The following SETDB1 variants were observed in gnomAD, a reference collection of about 807,000 sequenced individuals.
SETDB1 encodes SET domain bifurcated histone lysine methyltransferase 1.
A neutral mutation model predicts 137.4 loss-of-function variants in SETDB1; 31 were observed. The ratio of observed to expected loss-of-function variants is 0.23; its 90% CI spans 0.17 to 0.30. The LOEUF (loss-of-function observed/expected upper bound fraction) is 0.30, where lower values mean the gene tolerates loss of function less well. Among genes scored for constraint, SETDB1 ranks in the 10% least tolerant of loss-of-function variants. SETDB1 has a pLI of 1.00. For synonymous variants in SETDB1, 548 were observed against 579.9 expected (o/e 0.95, Z 0.79); for missense variants, 1,113 against 1,631.5 (o/e 0.68, Z 5.47).
At chr1:150,957,818 C>T (rs1031347543) in intron 14 of SETDB1, among the ~76,000 whole-genome samples, 2 of 152,116 alleles carry the variant, frequency 1.3e-5, no homozygotes, top group African/African-American at 4.8e-5. Flanking sequence ...ATCTTCTCAC[C>T]TCAGCATCCT....
intron 12 of SETDB1, 74 bp from the exon 13 acceptor site, chr1:150,950,384 A>AGTAG (rs1331225921): frequency 7.8e-7 from 1 of 1,278,806 alleles, no homozygotes; most frequent in Non-Finnish European, 1.1e-6. Flanking sequence ...GAAATGGCTT[A>AGTAG]GCTACCTGGA....
At position 150,963,640 on chromosome 1, in the gene SETDB1, A is replaced by C. The variant is rs1315762705; in HGVS notation, c.3571A>C (p.Ser1191Arg). Residue 1191 changes from serine (S) to arginine (R), a missense_variant, in exon 20 of 22, where the codon AGC becomes CGC. Coordinates refer to ENST00000692827, the MANE Select transcript of SETDB1 (RefSeq NM_001366418.1). Reference protein sequence around the residue: ...TNMASVDKGESAPVRKNTRQF... With the variant: ...TNMASVDKGERAPVRKNTRQF... ...CATGGCCTCTGTGGACAAGGGGGAG[A>C]GCGCACCTGTTCGTAAGAACACACG... 1.9e-6 allele frequency: 3 copies of C among 1,614,006 alleles called. No homozygotes were observed. Among genetic ancestry groups the C allele is most frequent in the Middle Eastern group, 3.3e-4 (2 of 6,080 alleles).
chr1:150,951,582 C>T (rs982577826), intron 14 of SETDB1, 101 bp downstream of exon 14: 3 of 622,654 alleles, frequency 4.8e-6, no homozygotes, highest in African/African-American at 3.7e-5. Context: ...AAATTGGAAC[C>T]AAAAATAGAA....
At chr1:150,940,303 CG>C (rs1231481411) in intron 4 of SETDB1, among the ~76,000 whole-genome samples, 7 of 151,996 alleles carry the variant, frequency 4.6e-5, no homozygotes, top group African/African-American at 1.7e-4. Context: ...CATTGGCTCA[CG>C]ACTGTAATCC....
intron 1 of SETDB1, 38 bp downstream of exon 1, chr1:150,926,555 G>A: frequency 2.7e-6 from 1 of 375,398 alleles, no homozygotes; most frequent in Non-Finnish European, 5.2e-6. Context: ...GTGACCAAAG[G>A]CTTATCTGGG....
At position 150,959,209 on chromosome 1, in the gene SETDB1, G is replaced by A. The variant is rs754052188; in HGVS notation, c.2365G>A (p.Asp789Asn). 3.1e-6 allele frequency: 5 copies of A among 1,590,450 alleles called. No individual in the cohort carries two copies. The highest frequency in any genetic ancestry group is 3.4e-6 in the Non-Finnish European group (4 of 1,172,476). The change falls in exon 15 of 22, where the codon GAC (aspartate) becomes AAC (asparagine). Residue 789 changes from aspartate to asparagine, a missense_variant. By Grantham distance (23) the Asp-to-Asn change is conservative. Around this residue, in one of 11 missense-constraint regions of SETDB1, gnomAD observed 81 missense variants for 123.4 expected, o/e 0.66. Coordinates refer to ENST00000692827, the MANE Select transcript of SETDB1 (RefSeq NM_001366418.1). ...VYECNKRCKC[D>N]PNMCTNRLVQ... ...TGAGTGTAACAAACGCTGCAAATGT[G>A]ACCCAAACATGTGCACAAACCGGTT...
chr1:150,930,339 G>A (rs1669685190), intron 3 of SETDB1: 1 of 438,064 alleles, frequency 2.3e-6, no homozygotes, highest in Non-Finnish European at 4.1e-6. Flanking sequence ...TCCTCATTCT[G>A]TGTAACCCCT....
intron 3 of SETDB1, among the ~76,000 whole-genome samples, chr1:150,939,616 C>T (rs1404577024): frequency 6.6e-6 from 1 of 151,918 alleles, no homozygotes; most frequent in East Asian, 1.9e-4. Flanking sequence ...TGAGCCACTG[C>T]GCCTGGCCTA....
In SETDB1 at chr1:150,963,289, A is replaced by G. The variant is rs1189072348; in HGVS notation, c.3460+150A>G. On this transcript the variant is annotated intron_variant, in intron 19 of 21. Coordinates refer to ENST00000692827, the MANE Select transcript of SETDB1 (RefSeq NM_001366418.1). ...GGAGGGCTTTCTGACTCCAAGCTAA[A>G]CTATTGTTTGACACATCCTCTCTCA... is the stretch of plus-strand genomic sequence containing the variant. 5.1e-5 allele frequency: 39 copies of G among 768,620 alleles called. 1 individual carries two copies. In the South Asian group the frequency reaches 6.7e-4, roughly 13 times the overall value. The allele number at this position is 768,620 out of a possible 1,614,324, so 47.6% of individuals were successfully genotyped here. A position where few individuals can be genotyped will look rare whatever the true frequency, so the allele number is the denominator to read the frequency against.
chr1:150,947,249 G>A (rs1368767906), intron 10 of SETDB1, among the ~76,000 whole-genome samples: 3 of 152,138 alleles, frequency 2.0e-5, no homozygotes, highest in Non-Finnish European at 4.4e-5. Context: ...CTTTAGGTTA[G>A]GGTGATAGTA....
chr1:150,964,144 C>G, intron 21 of SETDB1, 61 bp downstream of exon 21: 1 of 1,538,620 alleles, frequency 6.5e-7, no homozygotes, highest in Non-Finnish European at 9.0e-7. Flanking sequence ...TTCTAAGGGC[C>G]CCTCCTCCAT....
chr1:150,960,272 G>A (rs768976375), intron 15 of SETDB1, among the ~76,000 whole-genome samples: 5 of 151,696 alleles, frequency 3.3e-5, no homozygotes, highest in South Asian at 2.1e-4. Flanking sequence ...TCAGGAGTTC[G>A]AGACCAACCT....
At position 150,958,136 on chromosome 1, in the gene SETDB1, T is replaced by C. The variant is rs1670704287; in HGVS notation, c.2334-1042T>C. 2.0e-5 allele frequency among the ~76,000 whole-genome samples: 3 copies of C among 150,162 alleles called. No homozygotes were observed. The South Asian group carries it at 6.3e-4, about 32-fold the overall frequency. ...GGGAGGTGGAGGTTGTGAGCTGAGA[T>C]TGCGCCATTGCACTCCAGCCTGGGC... is the stretch of plus-strand genomic sequence containing the variant. On this transcript the variant is annotated intron_variant, in intron 14 of 21. Transcript: ENST00000692827.
chr1:150,959,026 A>G (rs1670739390), intron 14 of SETDB1, 152 bp from the exon 15 acceptor site: 2 of 553,420 alleles, frequency 3.6e-6, no homozygotes. Context: ...AGATGGTTCA[A>G]TAGATCCACT....
At chr1:150,953,704 C>G (rs1670561293) in intron 14 of SETDB1, among the ~76,000 whole-genome samples, 1 of 151,950 alleles carries the variant, frequency 6.6e-6, no homozygotes, top group Non-Finnish European at 1.5e-5. Context: ...TTGTGCACGC[C>G]TGTAATCTCA....
At position 150,942,879 on chromosome 1, in the gene SETDB1, T is replaced by C; in HGVS notation, c.701T>C (p.Phe234Ser). 1 of 1,614,178 alleles carries C rather than the reference T, an allele frequency of 6.2e-7. No homozygotes were observed. The highest frequency in any genetic ancestry group is 8.5e-7 in the Non-Finnish European group (1 of 1,180,010). ...CCAGGGAAGAAATACAAGGTGAAATTTGACAACAAAGGAAAGAGTCTACTG... is the reference window on the plus strand; with the variant it reads ...CCAGGGAAGAAATACAAGGTGAAATCTGACAACAAAGGAAAGAGTCTACTG... ...VGPGKKYKVK[F>S]DNKGKSLLSG... The change falls in exon 7 of 22, where the codon TTT becomes TCT. Residue 234 changes from phenylalanine (F) to serine (S), a missense_variant. Physicochemically the swap from Phe to Ser is radical, Grantham distance 155. Transcript: ENST00000692827.
At position 150,949,241 on chromosome 1, in the gene SETDB1, C is replaced by G; in HGVS notation, c.1387C>G (p.Pro463Ala). 3.1e-6 allele frequency: 5 copies of G among 1,614,140 alleles called. No individual in the cohort carries two copies. The highest frequency in any genetic ancestry group is 4.2e-6 in the Non-Finnish European group (5 of 1,180,020). ...AGCTCCACCTGCCCCACCTTTCCCA[C>G]CTGCTCCACCTCTATCCCCCCAAGC... ...PTAPPAPPFP[P>A]APPLSPQAGD... Residue 463 changes from proline to alanine, a missense_variant, in exon 11 of 22, where the codon CCT (proline) becomes GCT (alanine). Physicochemically the swap from Pro to Ala is conservative, Grantham distance 27. This residue lies in a region of SETDB1 where 192 missense variants were observed against 198.1 expected (regional missense o/e 0.97). Coordinates refer to ENST00000692827, the MANE Select transcript of SETDB1 (RefSeq NM_001366418.1).
rs2102748843 is a variant in SETDB1 at position 150,960,755 on chromosome 1, C to A, written c.2696C>A (p.Pro899His). ...GATGGCAACAGCGGTACAGAGGACC[C>A]TGAAGAGTCCAATGATGATAGCTCA... ...QEDGNSGTED[P>H]EESNDDSSDD... is the part of the protein sequence containing the mutation. Residue 899 changes from proline to histidine, a missense_variant, in exon 16 of 22, where the codon CCT (proline) becomes CAT (histidine). Pro to His is a moderately conservative substitution (Grantham distance 77). This residue lies in a region of SETDB1 where 373 missense variants were observed against 412.7 expected (regional missense o/e 0.90). Transcript: ENST00000692827. The A allele has an allele frequency of 2.5e-6, 4 of 1,611,364 alleles. No homozygotes were observed. The East Asian group carries it at 8.9e-5, about 36-fold the overall frequency.
At chr1:150,931,565 A>G (rs1180047403) in intron 3 of SETDB1, among the ~76,000 whole-genome samples, 1 of 150,780 alleles carries the variant, frequency 6.6e-6, no homozygotes, top group Non-Finnish European at 1.5e-5. Flanking sequence ...TACATATGTA[A>G]CTAACCTGCA....
Sources: gnomAD v4.1 joint callset for allele counts (sites outside exome capture counted in the v4.1 genomes callset) on GRCh38, gnomAD v4.1.1 for gene constraint, gnomAD v4.1.1 regional missense constraint, MANE v1.5 for transcripts, NCBI Gene and HGNC (gene_info 2026-07-23, HGNC 2026-07-21) for gene names.